Variants in PCBP3 observed in about 807,000 individuals in gnomAD.
PCBP3 encodes the protein poly(rC) binding protein 3.
A neutral mutation model predicts 52.7 loss-of-function variants in PCBP3; 25 were observed. That is an observed-to-expected ratio of 0.47 (90% CI 0.35 to 0.66). The LOEUF (loss-of-function observed/expected upper bound fraction) is 0.66. Ranked by LOEUF, PCBP3 falls within the 30% of genes least tolerant of loss-of-function variation. PCBP3 has a pLI of 0.01. For missense variants in PCBP3, 391 were observed against 490.3 expected, an observed-to-expected ratio of 0.80 and a Z score of 1.91; for synonymous variants, 162 against 183.0, an observed-to-expected ratio of 0.89 and a Z score of 0.93.
At position 45,827,843 on chromosome 21, in the gene PCBP3, C is replaced by T. The variant is rs1373629388; in HGVS notation, c.-125-22118C>T. 6.6e-6 allele frequency: 1 copy of T among 152,260 alleles called. No individual in the cohort carries two copies. The highest frequency in any genetic ancestry group is 2.4e-5 in the African/African-American group (1 of 41,446). 9.4% of individuals were successfully genotyped at this position (152,260 alleles called of 1,614,324 possible). A position where few individuals can be genotyped will look rare whatever the true frequency, so the allele number is the denominator to read the frequency against. ...CAGGAGAAAGAAAATTTGGAACTAA[C>T]CTGGCCAGGAAAGTGGGCTGAGACT... On this transcript the variant is annotated intron_variant, in intron 4 of 17. Coordinates refer to ENST00000681687, the MANE Select transcript of PCBP3 (RefSeq NM_001384156.1). The surrounding 1 kb of genome is among the most constrained non-coding windows in gnomAD (Gnocchi z 4.3).
At chr21:45,941,627 T>A in intron 17 of PCBP3, 43 bp from the exon 18 acceptor site, 1 of 1,582,556 alleles carries the variant, frequency 6.3e-7, no homozygotes, top group Non-Finnish European at 8.6e-7. Flanking sequence ...ATGAGGGCGT[T>A]GGTTGTGACC....
chr21:45,677,771 C>T (rs549372193), intron 2 of PCBP3, among the ~76,000 whole-genome samples: 6 of 152,182 alleles, frequency 3.9e-5, no homozygotes, highest in African/African-American at 7.2e-5. Context: ...TAAATCTACT[C>T]GGCCTGTGCT....
At chr21:45,893,951 T>C in intron 5 of PCBP3, 3 of 985,400 alleles carry the variant, frequency 3.0e-6, no homozygotes, top group Non-Finnish European at 3.6e-6. Flanking sequence ...CAGTGTTAGC[T>C]GGGAAGGACA....
chr21:45,897,684 G>A (rs540343437), intron 6 of PCBP3, among the ~76,000 whole-genome samples: 1 of 152,230 alleles, frequency 6.6e-6, no homozygotes, highest in South Asian at 2.1e-4. Flanking sequence ...TCCCAGTCCT[G>A]GAACCAGCCA....
intron 3 of PCBP3, among the ~76,000 whole-genome samples, chr21:45,754,426 G>A (rs749466357): frequency 1.1e-4 from 16 of 151,958 alleles, no homozygotes; most frequent in African/African-American, 2.4e-4. Flanking sequence ...CTTTTGCTTC[G>A]GTTGTTTAAA....
At position 45,893,648 on chromosome 21, in the gene PCBP3, G is replaced by A. The variant is rs565489157; in HGVS notation, c.11-2560G>A. The A allele has an allele frequency of 1.9e-5, 12 of 629,682 alleles. No individual in the cohort carries two copies. The South Asian group carries it at 5.9e-4, about 31-fold the overall frequency. The allele number at this position is 629,682 out of a possible 1,614,324, so 39.0% of individuals were successfully genotyped here. The stretch of plus-strand genomic sequence containing the variant: ...GGTGGGTGGGGACCCAGGCCCTCAC[G>A]GATGACTGTGCCTGTCCCTTCTCCC... On this transcript the variant is annotated intron_variant, in intron 5 of 17. Coordinates refer to ENST00000681687, the MANE Select transcript of PCBP3 (RefSeq NM_001384156.1).
chr21:45,931,265 A>G (rs777523572), intron 15 of PCBP3, among the ~76,000 whole-genome samples: 3 of 152,394 alleles, frequency 2.0e-5, no homozygotes, highest in African/African-American at 7.2e-5. Flanking sequence ...GACCAAGGCC[A>G]TGAAACAGAC....
At chr21:45,819,253 T>C (rs958396189) in intron 4 of PCBP3, among the ~76,000 whole-genome samples, 1 of 152,084 alleles carries the variant, frequency 6.6e-6, no homozygotes, top group African/African-American at 2.4e-5. Context: ...TGGGGGTATA[T>C]AGGAAATCTC....
intron 2 of PCBP3, among the ~76,000 whole-genome samples, chr21:45,729,896 G>A (rs1409863144): frequency 6.6e-6 from 1 of 151,994 alleles, no homozygotes; most frequent in African/African-American, 2.4e-5. Context: ...TAGGATTACA[G>A]GGATGTTCCA....
intron 11 of PCBP3, among the ~76,000 whole-genome samples, chr21:45,912,438 G>T (rs536046436): frequency 6.6e-6 from 1 of 152,308 alleles, no homozygotes; most frequent in Admixed American, 6.5e-5. Context: ...AGACCCTCCT[G>T]GTTGATTGGA....
chr21:45,701,897 A>G (rs1362363051), intron 2 of PCBP3, among the ~76,000 whole-genome samples: 2 of 152,228 alleles, frequency 1.3e-5, no homozygotes, highest in Non-Finnish European at 1.5e-5. Flanking sequence ...TATATTTTAT[A>G]AAACAAAAAT....
intron 5 of PCBP3, among the ~76,000 whole-genome samples, chr21:45,855,922 AAC>A (rs1381382778): frequency 1.3e-5 from 2 of 152,254 alleles, no homozygotes; most frequent in Non-Finnish European, 2.9e-5. Context: ...ACACCGTACA[AAC>A]CGTAACATCT....
Position 45,884,564 on chromosome 21 carries a change from G to C in PCBP3, c.11-11644G>C, listed in dbSNP as rs529327030. 3.3e-5 allele frequency among the ~76,000 whole-genome samples: 5 copies of C among 152,032 alleles called. No homozygotes were observed. In the East Asian group the frequency reaches 9.7e-4, roughly 30 times the overall value. On this transcript the variant is annotated intron_variant, in intron 5 of 17. Coordinates refer to ENST00000681687, the MANE Select transcript of PCBP3 (RefSeq NM_001384156.1). ...ATATACATATATGTCACGTGTGTGT[G>C]CATGTATAATGTTTGAGACAGGATC... is the stretch of plus-strand genomic sequence containing the variant.
At chr21:45,702,162 A>G (rs1361219622) in intron 2 of PCBP3, among the ~76,000 whole-genome samples, 1 of 152,226 alleles carries the variant, frequency 6.6e-6, no homozygotes. Flanking sequence ...GGTTAGTTGC[A>G]ACATGGAGTC....
At chr21:45,934,964 A>G (rs952778118) in intron 15 of PCBP3, among the ~76,000 whole-genome samples, 8 of 152,246 alleles carry the variant, frequency 5.3e-5, no homozygotes, top group African/African-American at 1.9e-4. Flanking sequence ...AAGAGAGTAT[A>G]CAAACATAAC....
At chr21:45,839,166 A>G (rs2093649224) in intron 4 of PCBP3, among the ~76,000 whole-genome samples, 1 of 152,134 alleles carries the variant, frequency 6.6e-6, no homozygotes, top group South Asian at 2.1e-4. Flanking sequence ...TATAATTCAC[A>G]TAAACCCCTC....
intron 4 of PCBP3, chr21:45,836,548 C>G (rs895680752): frequency 1.3e-5 from 2 of 150,840 alleles, no homozygotes; most frequent in East Asian, 3.9e-4. Context: ...CTGCACTTCC[C>G]AGTATATTCG....
chr21:45,715,819 A>G (rs566779864), intron 2 of PCBP3, among the ~76,000 whole-genome samples: 1 of 152,208 alleles, frequency 6.6e-6, no homozygotes, highest in Non-Finnish European at 1.5e-5. Context: ...TCATTTTCCC[A>G]TTTTTTAAGT....
intron 5 of PCBP3, among the ~76,000 whole-genome samples, chr21:45,869,723 G>T (rs142760839): frequency 6.6e-6 from 1 of 152,196 alleles, no homozygotes; most frequent in Non-Finnish European, 1.5e-5. Flanking sequence ...AGTGGGGCCT[G>T]GGGAGTGTGA....
Sources: gnomAD v4.1 joint callset for allele counts (sites outside exome capture counted in the v4.1 genomes callset) on GRCh38, gnomAD v4.1.1 for gene constraint, Gnocchi (gnomAD v3.1) non-coding constraint, MANE v1.5 for transcripts, NCBI Gene and HGNC (gene_info 2026-07-23, HGNC 2026-07-21) for gene names.